The following RFTN2 variants were observed in gnomAD, a reference collection of about 807,000 sequenced individuals.
The protein encoded by RFTN2 is raftlin family member 2.
Under a neutral mutation model 52.7 loss-of-function variants are expected in RFTN2, and 34 were observed. The ratio of observed to expected loss-of-function variants is 0.64; its 90% confidence interval spans 0.49 to 0.86. The LOEUF is 0.86. Among genes scored for constraint, RFTN2 ranks in the 40% least tolerant of loss-of-function variants. RFTN2 has a pLI of 0.00. For synonymous variants in RFTN2, 203 were observed against 217.7 expected, an observed-to-expected ratio of 0.93 and a Z score of 0.59; for missense variants, 536 against 600.1, an observed-to-expected ratio of 0.89 and a Z score of 1.12.
chr2:197,587,864 A>G (rs549245703), intron 8 of RFTN2: 166 of 348,358 alleles, frequency 4.8e-4, no homozygotes, highest in Non-Finnish European at 6.5e-4. Flanking sequence ...CTGAAGCCCA[A>G]CTAGTTCTTG....
At chr2:197,640,971 T>C (rs1458546563) in intron 3 of RFTN2, among the ~76,000 whole-genome samples, 1 of 152,206 alleles carries the variant, frequency 6.6e-6, no homozygotes, top group East Asian at 1.9e-4. Context: ...TATTGCAGTG[T>C]TTTCTACTCA....
intron 7 of RFTN2, among the ~76,000 whole-genome samples, chr2:197,610,693 T>C (rs1261153273): frequency 6.6e-6 from 1 of 152,202 alleles, no homozygotes; most frequent in African/African-American, 2.4e-5. Context: ...CTTGTGCTAG[T>C]TTTCAAAGGG....
At chr2:197,665,516 C>T (rs2089039291) in intron 1 of RFTN2, among the ~76,000 whole-genome samples, 1 of 22,522 alleles carries the variant, frequency 4.4e-5, no homozygotes, top group Admixed American at 3.4e-4. Flanking sequence ...ATGTACCTTG[C>T]CTTTTTTTTT....
chr2:197,618,242 C>T (rs1195416451), intron 5 of RFTN2, among the ~76,000 whole-genome samples: 1 of 152,062 alleles, frequency 6.6e-6, no homozygotes, highest in East Asian at 1.9e-4. Context: ...CGCGCCGCCA[C>T]GCCTGACTGG....
intron 8 of RFTN2, chr2:197,588,151 AC>A: frequency 2.6e-6 from 1 of 388,148 alleles, no homozygotes; most frequent in South Asian, 2.1e-5. Flanking sequence ...AGCAAAACCC[AC>A]CTATAATTCC....
At chr2:197,656,655 G>A (rs2088897729) in intron 1 of RFTN2, among the ~76,000 whole-genome samples, 1 of 152,138 alleles carries the variant, frequency 6.6e-6, no homozygotes, top group Non-Finnish European at 1.5e-5. Context: ...GTAGGGATTT[G>A]AATATATTCC....
intron 5 of RFTN2, among the ~76,000 whole-genome samples, chr2:197,618,741 C>G: frequency 6.6e-6 from 1 of 151,498 alleles, no homozygotes; most frequent in Non-Finnish European, 1.5e-5. Flanking sequence ...CCCTGCCGCC[C>G]CGTCCGGGAT....
chr2:197,596,897 C>G (rs1268478206), intron 7 of RFTN2, among the ~76,000 whole-genome samples: 1 of 152,180 alleles, frequency 6.6e-6, no homozygotes, highest in Non-Finnish European at 1.5e-5. Flanking sequence ...GCAAATTACC[C>G]CTTGCCAAAG....
At chr2:197,601,260 T>C (rs1196753199) in intron 7 of RFTN2, among the ~76,000 whole-genome samples, 1 of 152,222 alleles carries the variant, frequency 6.6e-6, no homozygotes, top group Non-Finnish European at 1.5e-5. Context: ...TCTATGTGAA[T>C]GTCATTTGAG....
intron 7 of RFTN2, among the ~76,000 whole-genome samples, chr2:197,604,872 T>C (rs2087934511): frequency 6.6e-6 from 1 of 152,210 alleles, no homozygotes; most frequent in Non-Finnish European, 1.5e-5. Flanking sequence ...GCGATTCTCA[T>C]GCCTCAGCCT....
intron 8 of RFTN2, among the ~76,000 whole-genome samples, chr2:197,595,431 T>C (rs184743098): frequency 6.6e-6 from 1 of 152,246 alleles, no homozygotes; most frequent in African/African-American, 2.4e-5. Context: ...AAAGAGGCAG[T>C]TTGGTGTAGA....
At chr2:197,633,482 C>T (rs2088498727) in intron 4 of RFTN2, among the ~76,000 whole-genome samples, 1 of 152,140 alleles carries the variant, frequency 6.6e-6, no homozygotes, top group African/African-American at 2.4e-5. Flanking sequence ...CAATCTTCAA[C>T]ACAAAGTTTC....
chr2:197,644,623 G>T (rs1033313919), intron 2 of RFTN2, among the ~76,000 whole-genome samples: 2 of 152,094 alleles, frequency 1.3e-5, no homozygotes, highest in Non-Finnish European at 2.9e-5. Flanking sequence ...AATAAATATT[G>T]CCCTTTTCCC....
At chr2:197,596,219 G>A in intron 7 of RFTN2, 150 bp from the exon 8 acceptor site, 1 of 464,126 alleles carries the variant, frequency 2.2e-6, no homozygotes, top group Non-Finnish European at 3.7e-6. Flanking sequence ...TTCCAGTGAT[G>A]GAAAGAATGT....
In RFTN2 at chr2:197,615,983, C is replaced by T. The variant is rs1574709035; in HGVS notation, c.1051-4G>A. On this transcript the variant is annotated splice_region_variant and splice_polypyrimidine_tract_variant and intron_variant, in intron 6 of 8. Transcript: ENST00000295049. The stretch of plus-strand genomic sequence containing the variant: ...AATCTGTTTTGATTTCACATCCCTG[C>T]ATGAATAAGTATAAGAGCTCATAGT... 5 of 1,526,118 alleles carry T rather than the reference C, an allele frequency of 3.3e-6. No homozygotes were observed. In the East Asian group the frequency reaches 7.3e-5, roughly 22 times the overall value. 94.5% of individuals were successfully genotyped at this position (1,526,118 alleles called of 1,614,324 possible). A position where few individuals can be genotyped will look rare whatever the true frequency, so the allele number is the denominator to read the frequency against.
chr2:197,640,369 G>A (rs1446173227), intron 3 of RFTN2, among the ~76,000 whole-genome samples: 301 of 129,150 alleles, frequency 2.3e-3, no homozygotes, highest in African/African-American at 3.8e-3. Flanking sequence ...TCAGACTGCT[G>A]TGCTAGCAAT....
At chr2:197,643,991 GT>G (rs1407114358) in intron 3 of RFTN2, among the ~76,000 whole-genome samples, 166 bp downstream of exon 3, 1 of 151,978 alleles carries the variant, frequency 6.6e-6, no homozygotes, top group African/African-American at 2.4e-5. Context: ...TTGTATTTCT[GT>G]TTTAAACGCT....
chr2:197,649,827 G>A (rs1237306738), intron 1 of RFTN2, among the ~76,000 whole-genome samples: 1 of 152,156 alleles, frequency 6.6e-6, no homozygotes, highest in Non-Finnish European at 1.5e-5. Flanking sequence ...AGGCACCTAC[G>A]AAGTTCAAAG....
chr2:197,596,887 G>A lies in RFTN2; in HGVS notation c.1155-818C>T, dbSNP rs139812763. 2.0e-5 allele frequency among the ~76,000 whole-genome samples: 3 copies of A among 152,190 alleles called. No individual in the cohort carries two copies. In the East Asian group the frequency reaches 5.8e-4, roughly 29 times the overall value. On this transcript the variant is annotated intron_variant, in intron 7 of 8. Transcript: ENST00000295049. ...TTCTCCTTATTTAACTATCATCATG[G>A]CAAATTACCCCTTGCCAAAGACTGC...
Sources: gnomAD v4.1 joint callset for allele counts (sites outside exome capture counted in the v4.1 genomes callset) on GRCh38, gnomAD v4.1.1 for gene constraint, MANE v1.5 for transcripts, NCBI Gene and HGNC (gene_info 2026-07-23, HGNC 2026-07-21) for gene names.